Variants in FNBP4 observed in about 807,000 individuals in gnomAD.
FNBP4 encodes formin binding protein 4, also known as formin-binding protein 4.
A neutral mutation model predicts 119.3 loss-of-function variants in FNBP4; 34 were observed. That is an observed-to-expected ratio of 0.28 (90% CI 0.22 to 0.38). FNBP4 has a LOEUF of 0.38. Ranked by LOEUF, FNBP4 falls within the 10% of genes least tolerant of loss-of-function variation. FNBP4 has a pLI of 1.00. For synonymous variants in FNBP4, 462 were observed against 430.6 expected (o/e 1.07, Z -0.90); for missense variants, 1,112 against 1,228.9 (o/e 0.90, Z 1.42).
At chr11:47,753,875 A>T (rs1187200283) in intron 3 of FNBP4, among the ~76,000 whole-genome samples, 1 of 152,150 alleles carries the variant, frequency 6.6e-6, no homozygotes, top group Admixed American at 6.6e-5. Flanking sequence ...CAAGCTCCCC[A>T]GTCTCTTCTA....
In FNBP4 at chr11:47,732,744, C is replaced by A; in HGVS notation, c.1687-74G>T. Reference sequence around the variant, plus strand: ...AGACACAGGCAAAGGGGATATAAACCTTCTGCTCCAAGACTATATCCCTGT... The same window carrying A: ...AGACACAGGCAAAGGGGATATAAACATTCTGCTCCAAGACTATATCCCTGT... On this transcript the variant is annotated intron_variant, in intron 10 of 16. Coordinates refer to ENST00000263773, the MANE Select transcript of FNBP4 (RefSeq NM_015308.5). The surrounding 1 kb of genome is among the most constrained non-coding windows in gnomAD (Gnocchi z 4.2). 1 of 1,414,292 alleles carries A rather than the reference C, an allele frequency of 7.1e-7. No individual in the cohort carries two copies. The highest frequency in any genetic ancestry group is 2.3e-5 in the East Asian group (1 of 43,230). 87.6% of individuals were successfully genotyped at this position (1,414,292 alleles called of 1,614,324 possible).
chr11:47,761,076 C>A (rs2097633259), intron 2 of FNBP4, among the ~76,000 whole-genome samples: 1 of 152,058 alleles, frequency 6.6e-6, no homozygotes, highest in African/African-American at 2.4e-5. Flanking sequence ...ATAGGACATA[C>A]CTGATTTATT....
chr11:47,724,643 G>T lies in FNBP4; in HGVS notation c.2144C>A (p.Pro715Gln). ...PPLPLEMPPP[P>Q]PPPPESPPPP... ...TGGAGGTGATTCTGGAGGTGGAGGT[G>T]GGGGTGGTGGCATTTCCAAGGGTAA... Residue 715 changes from proline (P) to glutamine (Q), a missense_variant, in exon 13 of 17, where the codon CCA becomes CAA. Transcript: ENST00000263773. The T allele has an allele frequency of 6.2e-7, 1 of 1,614,094 alleles. No homozygotes were observed. Among genetic ancestry groups the T allele is most frequent in the Non-Finnish European group, 8.5e-7 (1 of 1,179,996 alleles).
At position 47,767,336 on chromosome 11, in the gene FNBP4, G is replaced by A; in HGVS notation, c.-48C>T. ...GAGCGTCGGGCGGCCGAGAGGGGCG[G>A]GCACTGGAGGCTGGGCGCTGGGCCC... On this transcript the variant is annotated 5_prime_UTR_variant, in exon 1 of 17. Coordinates refer to ENST00000263773, the MANE Select transcript of FNBP4 (RefSeq NM_015308.5). 7.0e-7 allele frequency: 1 copy of A among 1,420,762 alleles called. No individual in the cohort carries two copies. Among genetic ancestry groups the A allele is most frequent in the Non-Finnish European group, 9.2e-7 (1 of 1,092,038 alleles). The allele number at this position is 1,420,762 out of a possible 1,614,324, so 88.0% of individuals were successfully genotyped here. A position where few individuals can be genotyped will look rare whatever the true frequency, so the allele number is the denominator to read the frequency against.
At chr11:47,752,135 A>C (rs529793749) in intron 4 of FNBP4, among the ~76,000 whole-genome samples, 20 of 152,260 alleles carry the variant, frequency 1.3e-4, no homozygotes, top group Admixed American at 8.5e-4. Flanking sequence ...TTATTTAAAA[A>C]GACAGAGGTT....
Position 47,766,413 on chromosome 11 carries a change from C to A in FNBP4, c.220+656G>T, listed in dbSNP as rs539990830. ...TCTCCAGGCTATGATAGGACCTTTA[C>A]AAGACACACCAAACACTGCTATTGC... On this transcript the variant is annotated intron_variant, in intron 1 of 16. Coordinates refer to ENST00000263773, the MANE Select transcript of FNBP4 (RefSeq NM_015308.5). Among the ~76,000 whole-genome samples the A allele has an allele frequency of 2.6e-5, 4 of 152,340 alleles. No individual in the cohort carries two copies. In the East Asian group the frequency reaches 7.7e-4, roughly 29 times the overall value.
At chr11:47,750,515 C>G in intron 6 of FNBP4, among the ~76,000 whole-genome samples, 1 of 149,302 alleles carries the variant, frequency 6.7e-6, no homozygotes. Context: ...CAGTGAAACA[C>G]CGTCTCCACT....
intron 4 of FNBP4, among the ~76,000 whole-genome samples, chr11:47,751,788 C>T (rs2097604685): frequency 6.6e-6 from 1 of 151,986 alleles, no homozygotes. Flanking sequence ...CCTGTCTCTA[C>T]TAAAAATACA....
At chr11:47,766,952 C>G (rs1285694437) in intron 1 of FNBP4, 117 bp downstream of exon 1, 1 of 1,377,140 alleles carries the variant, frequency 7.3e-7, no homozygotes, top group Non-Finnish European at 9.3e-7. Flanking sequence ...AGGCCCGCAG[C>G]AGGCAGGCCT....
chr11:47,752,425 CA>C (rs71045514), intron 4 of FNBP4, among the ~76,000 whole-genome samples: 61,314 of 127,600 alleles, frequency 0.48, 13,585 homozygotes, highest in East Asian at 0.57. Context: ...AACTCAGTCT[CA>C]AAAAAAAAAA....
At chr11:47,735,911 C>T (rs1371537957) in intron 9 of FNBP4, among the ~76,000 whole-genome samples, 1 of 151,836 alleles carries the variant, frequency 6.6e-6, no homozygotes, top group Non-Finnish European at 1.5e-5. Context: ...AACCCCATCT[C>T]TACTAAAAAT....
Position 47,765,335 on chromosome 11 carries a change from G to A in FNBP4, c.248C>T (p.Pro83Leu), listed in dbSNP as rs757778706. ...EDEQEAVQEVPRVVQNPPKPV... is the reference protein window; with the variant it reads ...EDEQEAVQEVLRVVQNPPKPV... ...TTTTGGAGGATTCTGAACAACTCTA[G>A]GAACCTCCTGCACCGCTTCCTGTTC... The change falls in exon 2 of 17, where the codon CCT becomes CTT. Residue 83 changes from proline (P) to leucine (L), a missense_variant. By Grantham distance (98) the Pro-to-Leu change is moderately conservative. Around this residue, in one of 2 missense-constraint regions of FNBP4, gnomAD observed 286 missense variants for 240.1 expected, o/e 1.19. Coordinates refer to ENST00000263773, the MANE Select transcript of FNBP4 (RefSeq NM_015308.5). 17 of 1,608,326 alleles carry A rather than the reference G, an allele frequency of 1.1e-5. No individual in the cohort carries two copies. In the South Asian group the frequency reaches 1.9e-4, roughly 18 times the overall value.
intron 15 of FNBP4, among the ~76,000 whole-genome samples, chr11:47,721,756 G>T (rs1024350279): frequency 1.3e-5 from 2 of 151,670 alleles, no homozygotes; most frequent in Non-Finnish European, 2.9e-5. Context: ...TCAAAAGGTG[G>T]TATTTGTAAA....
At chr11:47,760,301 A>G (rs2135275038) in intron 2 of FNBP4, among the ~76,000 whole-genome samples, 1 of 144,854 alleles carries the variant, frequency 6.9e-6, no homozygotes, top group South Asian at 2.2e-4. Context: ...TTGCTCTGTC[A>G]CCCAGGGTGA....
intron 2 of FNBP4, among the ~76,000 whole-genome samples, chr11:47,759,011 C>T (rs1202979825): frequency 4.7e-5 from 7 of 150,386 alleles, no homozygotes; most frequent in African/African-American, 1.7e-4. Flanking sequence ...CTCCGCCTCC[C>T]GGGTTCAGGT....
At chr11:47,759,978 A>G (rs1035634889) in intron 2 of FNBP4, among the ~76,000 whole-genome samples, 48 of 152,204 alleles carry the variant, frequency 3.2e-4, no homozygotes, top group African/African-American at 1.1e-3. Flanking sequence ...AAAAATAAAA[A>G]TACTTCTAAT....
intron 4 of FNBP4, 165 bp downstream of exon 4, chr11:47,752,751 T>G (rs1467258539): frequency 3.5e-6 from 2 of 575,160 alleles, no homozygotes; most frequent in East Asian, 5.9e-5. Context: ...GAGGTGGAGG[T>G]TGGAGCGAGC....
chr11:47,752,889 C>CT (rs771298447), intron 4 of FNBP4, 27 bp downstream of exon 4: 3 of 1,580,108 alleles, frequency 1.9e-6, no homozygotes, highest in Non-Finnish European at 2.6e-6. Flanking sequence ...TTTTACTTTT[C>CT]TTTAAAAATC....
In FNBP4 at chr11:47,717,077, G is replaced by A. The variant is rs2097550775; in HGVS notation, c.*345C>T. 1.2e-5 allele frequency: 2 copies of A among 173,410 alleles called. No individual in the cohort carries two copies. The highest frequency in any genetic ancestry group is 2.4e-5 in the African/African-American group (1 of 42,006). 10.7% of individuals were successfully genotyped at this position (173,410 alleles called of 1,614,324 possible). ...TCTGAATTGCACTTGTTCTGGAGGA[G>A]AAGTTAATTCTTCACTTTTGTCAGG... On this transcript the variant is annotated 3_prime_UTR_variant, in exon 17 of 17. Transcript: ENST00000263773.
Sources: gnomAD v4.1 joint callset for allele counts (sites outside exome capture counted in the v4.1 genomes callset) on GRCh38, gnomAD v4.1.1 for gene constraint, gnomAD v4.1.1 regional missense constraint, Gnocchi (gnomAD v3.1) non-coding constraint, MANE v1.5 for transcripts, NCBI Gene and HGNC (gene_info 2026-07-23, HGNC 2026-07-21) for gene names.